AGBL1: variants seen among roughly 807,000 people sequenced by gnomAD.
AGBL1 encodes AGBL carboxypeptidase 1.
A neutral mutation model predicts 118.9 loss-of-function variants in AGBL1; 130 were observed. The observed-to-expected ratio is 1.09, with a 90% CI of 0.95 to 1.26. AGBL1 has a LOEUF of 1.26. AGBL1 is among the 50% of genes most tolerant of loss of function. The pLI is 0.00. For missense variants in AGBL1, 1,584 were observed against 1,298.1 expected (o/e 1.22, Z -3.38); for synonymous variants, 555 against 478.9 (o/e 1.16, Z -2.08).
intron 21 of AGBL1, among the ~76,000 whole-genome samples, chr15:86,649,885 C>T (rs2085342243): frequency 2.6e-5 from 4 of 151,942 alleles, no homozygotes; most frequent in Admixed American, 2.6e-4. Flanking sequence ...TCCTTTAAAA[C>T]TACATGTCAG....
At chr15:86,433,594 A>G (rs999357678) in intron 18 of AGBL1, among the ~76,000 whole-genome samples, 2 of 152,028 alleles carry the variant, frequency 1.3e-5, no homozygotes, top group Admixed American at 1.3e-4. Flanking sequence ...CAGGGTCTCT[A>G]CTTTTAAAGC....
chr15:86,843,374 G>C (rs9672828), intron 22 of AGBL1, among the ~76,000 whole-genome samples: 23,947 of 151,834 alleles, frequency 0.16, 1,989 homozygotes, highest in South Asian at 0.26. Flanking sequence ...ATTCACAAAT[G>C]GTGAAAGGTC....
intron 13 of AGBL1, among the ~76,000 whole-genome samples, chr15:86,269,692 A>G (rs1364559153): frequency 6.6e-6 from 1 of 152,140 alleles, no homozygotes; most frequent in African/African-American, 2.4e-5. Flanking sequence ...AATATGCGCT[A>G]TTGTGTAATT....
chr15:86,088,824 G>T (rs1738950660), intron 1 of AGBL1, among the ~76,000 whole-genome samples: 1 of 152,122 alleles, frequency 6.6e-6, no homozygotes, highest in Admixed American at 6.6e-5. Context: ...AGCCCAATTA[G>T]CTACCGGGTC....
At chr15:86,554,586 T>G (rs753828492) in intron 21 of AGBL1, 49 bp downstream of exon 21, 2 of 1,395,014 alleles carry the variant, frequency 1.4e-6, no homozygotes, top group Non-Finnish European at 1.9e-6. Flanking sequence ...CAACAATACA[T>G]AGAAATTATA....
In AGBL1 at chr15:86,908,205, T is replaced by C. The variant is rs2080306328; in HGVS notation, c.*911T>C. ...AAATGAGATGATATATAAAAGTGTA[T>C]AGCTTAGCATTTGGTACACAACAAC... is the stretch of plus-strand genomic sequence containing the variant. On this transcript the variant is annotated 3_prime_UTR_variant, in exon 23 of 23. Transcript: ENST00000614907. 6.6e-6 allele frequency: 1 copy of C among 152,208 alleles called. No homozygotes were observed. The highest frequency in any genetic ancestry group is 1.5e-5 in the Non-Finnish European group (1 of 68,042). 9.4% of individuals were successfully genotyped at this position (152,208 alleles called of 1,614,324 possible).
rs184563126 is a variant in AGBL1, at chr15:86,872,409, G to A, written c.3159-34678G>A. Among the ~76,000 whole-genome samples the A allele has an allele frequency of 5.2e-3, 795 of 152,200 alleles. 12 individuals carry two copies. Among genetic ancestry groups the A allele is most frequent in the African/African-American group, 0.018 (739 of 41,540 alleles). ...ATAAATTAATGTATTGAATTCTGCC[G>A]CTAATGGTATTGCAAACCCGCTTAC... is the stretch of plus-strand genomic sequence containing the variant. On this transcript the variant is annotated intron_variant, in intron 22 of 22. Coordinates refer to ENST00000614907, the MANE Select transcript of AGBL1 (RefSeq NM_001386094.1).
chr15:86,689,767 T>A (rs1410885815), intron 22 of AGBL1, among the ~76,000 whole-genome samples: 2 of 152,168 alleles, frequency 1.3e-5, no homozygotes, highest in Non-Finnish European at 2.9e-5. Flanking sequence ...CACATTAGGA[T>A]AATATAATTG....
intron 22 of AGBL1, among the ~76,000 whole-genome samples, chr15:86,876,298 G>A (rs529994295): frequency 2.5e-4 from 38 of 152,184 alleles, no homozygotes; most frequent in Non-Finnish European, 4.9e-4. Context: ...TCTGTGCTTC[G>A]GGGCAGGACT....
intron 18 of AGBL1, among the ~76,000 whole-genome samples, chr15:86,495,566 C>G (rs2142150633): frequency 6.6e-6 from 1 of 151,664 alleles, no homozygotes; most frequent in East Asian, 1.9e-4. Flanking sequence ...TTTTTGATGC[C>G]AGAAGGTCAT....
chr15:86,955,135 G>T (rs2080916997), intron 23 of AGBL1, among the ~76,000 whole-genome samples: 1 of 151,768 alleles, frequency 6.6e-6, no homozygotes, highest in African/African-American at 2.4e-5. Flanking sequence ...TATCATTTTG[G>T]ATTTAAGATT....
intron 21 of AGBL1, among the ~76,000 whole-genome samples, chr15:86,672,980 T>C (rs2085773240): frequency 6.6e-6 from 1 of 152,200 alleles, no homozygotes; most frequent in Non-Finnish European, 1.5e-5. Context: ...GAATTTTGTT[T>C]CTCCTTGAGG....
Position 86,827,369 on chromosome 15 carries a change from GTA to G in AGBL1, c.3159-79705_3159-79704del, listed in dbSNP as rs1196311754. Among the ~76,000 whole-genome samples the G allele has an allele frequency of 4.1e-3, 15 of 3,656 alleles. 4 individuals are homozygous for G. The highest frequency in any genetic ancestry group is 0.013 in the African/African-American group (8 of 594). The allele number at this position is 3,656 out of a possible 152,430, so 2.4% of individuals were successfully genotyped here. On this transcript the variant is annotated intron_variant, in intron 22 of 22. Transcript: ENST00000614907. ...TATATATATATATATATATGTGTGT[GTA>G]TATATATATATACACATATATATAT...
rs141466162 is a variant in AGBL1, at chr15:86,096,505, G to A, written c.51+16482G>A. On this transcript the variant is annotated intron_variant, in intron 1 of 22. Coordinates refer to ENST00000614907, the MANE Select transcript of AGBL1 (RefSeq NM_001386094.1). ...ACCTTTCAAAAAAATCCTGGATTAG[G>A]CAGTCTTTTGGGTAAAATTATATTG... is the stretch of plus-strand genomic sequence containing the variant. Among the ~76,000 whole-genome samples the A allele has an allele frequency of 1.9e-3, 292 of 152,202 alleles. 2 individuals carry two copies. The highest frequency in any genetic ancestry group is 0.017 in the East Asian group (86 of 5,178).
intron 22 of AGBL1, among the ~76,000 whole-genome samples, chr15:86,737,198 G>C (rs2077614670): frequency 6.6e-6 from 1 of 152,184 alleles, no homozygotes; most frequent in Non-Finnish European, 1.5e-5. Context: ...GTGACTGGGG[G>C]AAGGGAGCTG....
chr15:86,248,012 T>A, intron 7 of AGBL1, 133 bp downstream of exon 7: 2 of 1,233,632 alleles, frequency 1.6e-6, no homozygotes, highest in Non-Finnish European at 2.3e-6. Flanking sequence ...AGGGCGGATG[T>A]TCTGGATTTA....
chr15:86,572,646 C>G (rs1437678832), intron 21 of AGBL1, among the ~76,000 whole-genome samples: 2 of 152,182 alleles, frequency 1.3e-5, no homozygotes, highest in South Asian at 2.1e-4. Flanking sequence ...TGCCCAGTCA[C>G]GCAATGTTGG....
chr15:86,601,437 ATAGG>A (rs2084491469), intron 21 of AGBL1, among the ~76,000 whole-genome samples: 1 of 152,188 alleles, frequency 6.6e-6, no homozygotes, highest in Non-Finnish European at 1.5e-5. Flanking sequence ...GGTCTTGAAA[ATAGG>A]TAGTGAATTT....
chr15:86,262,997 C>G (rs1030706939), intron 10 of AGBL1, 103 bp downstream of exon 10: 1 of 806,598 alleles, frequency 1.2e-6, no homozygotes, highest in Non-Finnish European at 2.1e-6. Context: ...CATTGCTCAT[C>G]ATTAGCCATA....
Sources: allele counts gnomAD v4.1 joint callset (sites outside exome capture counted in the v4.1 genomes callset), GRCh38; gene constraint gnomAD v4.1.1; transcripts MANE v1.5; gene names NCBI Gene and HGNC (gene_info 2026-07-23, HGNC 2026-07-21).